PLB1: variants seen among roughly 807,000 people sequenced by gnomAD.
PLB1 encodes phospholipase B1, also known as phospholipase B1, membrane-associated.
In PLB1, 242 loss-of-function variants were observed where a neutral mutation model predicts 227.4. The observed-to-expected ratio is 1.06, with a 90% CI of 0.96 to 1.18. PLB1 has a LOEUF of 1.18. Among genes scored for constraint, PLB1 ranks in the 50% most tolerant of loss-of-function variants. The pLI is 0.00. For synonymous variants in PLB1, 757 were observed against 682.2 expected (o/e 1.11, Z -1.71); for missense variants, 1,858 against 1,816.3 (o/e 1.02, Z -0.42).
intron 43 of PLB1, among the ~76,000 whole-genome samples, chr2:28,608,898 C>G (rs1685056817): frequency 6.6e-6 from 1 of 151,264 alleles, no homozygotes; most frequent in African/African-American, 2.5e-5. Context: ...TTTCATGTCT[C>G]CATTCTATTT....
intron 21 of PLB1, among the ~76,000 whole-genome samples, chr2:28,576,044 A>G (rs960563846): frequency 3.3e-5 from 5 of 152,212 alleles, no homozygotes; most frequent in African/African-American, 7.2e-5. Flanking sequence ...ATGAAACCTT[A>G]GAGTCAAGAG....
At chr2:28,641,967 G>T (rs1251991551) in intron 57 of PLB1, among the ~76,000 whole-genome samples, 2 of 152,068 alleles carry the variant, frequency 1.3e-5, no homozygotes, top group Non-Finnish European at 2.9e-5. Flanking sequence ...CTGGCCGGTG[G>T]ATCCATCTCC....
intron 1 of PLB1, among the ~76,000 whole-genome samples, chr2:28,510,059 A>G (rs1668061030): frequency 6.6e-6 from 1 of 152,214 alleles, no homozygotes; most frequent in Admixed American, 6.5e-5. Context: ...AGGTAAAAAC[A>G]TGAACTCCTG....
In PLB1 at chr2:28,563,094, C is replaced by A. The variant is rs746082346; in HGVS notation, c.1201C>A (p.Leu401Ile). ...CGTAATTGGAGCCCTGGGTGACTCT[C>A]TCACGGTAAGTGACCCTGATGCAGA... ...INVIGALGDS[L>I]TAGNGAGSTP... Residue 401 changes from leucine to isoleucine, a missense_variant, in exon 18 of 58, where the codon CTC (leucine) becomes ATC (isoleucine). Leu to Ile is a conservative substitution (Grantham distance 5, BLOSUM62 2). Coordinates refer to ENST00000327757, the MANE Select transcript of PLB1 (RefSeq NM_153021.5). 1.2e-6 allele frequency: 2 copies of A among 1,612,932 alleles called. No individual in the cohort carries two copies. Among genetic ancestry groups the A allele is most frequent in the African/African-American group, 2.7e-5 (2 of 74,882 alleles).
chr2:28,520,590 G>T (rs1553403066), intron 4 of PLB1, among the ~76,000 whole-genome samples: 1 of 152,172 alleles, frequency 6.6e-6, no homozygotes, highest in Non-Finnish European at 1.5e-5. Flanking sequence ...CTCTACCCAT[G>T]AAATAACATC....
chr2:28,627,833 A>G (rs1388195724), intron 51 of PLB1, among the ~76,000 whole-genome samples: 2 of 152,106 alleles, frequency 1.3e-5, no homozygotes, highest in Non-Finnish European at 1.5e-5. Flanking sequence ...TCCTGTGGAC[A>G]TGCTTTCTTC....
chr2:28,509,571 G>A lies in PLB1; in HGVS notation c.56-7237G>A, dbSNP rs142045566. ...TCCAGACCCCAGTGGTCACAGCCCTGTCCAACTTGGATGACTGATCTCGGC... is the reference window on the plus strand; with the variant it reads ...TCCAGACCCCAGTGGTCACAGCCCTATCCAACTTGGATGACTGATCTCGGC... On this transcript the variant is annotated intron_variant, in intron 1 of 57. Coordinates refer to ENST00000327757, the MANE Select transcript of PLB1 (RefSeq NM_153021.5). 5.7e-4 allele frequency among the ~76,000 whole-genome samples: 87 copies of A among 152,320 alleles called. 2 individuals are homozygous for A. In the South Asian group the frequency reaches 8.5e-3, roughly 15 times the overall value.
chr2:28,531,604 C>G (rs1026417711), intron 8 of PLB1, among the ~76,000 whole-genome samples: 3 of 152,230 alleles, frequency 2.0e-5, no homozygotes, highest in Non-Finnish European at 4.4e-5. Flanking sequence ...AACCACTGCA[C>G]CCAGCCAGAG....
At chr2:28,545,680 G>A (rs982023642) in intron 14 of PLB1, among the ~76,000 whole-genome samples, 5 of 152,132 alleles carry the variant, frequency 3.3e-5, no homozygotes, top group South Asian at 4.1e-4. Flanking sequence ...CCTTGGTTTC[G>A]CTAATTGCAT....
Position 28,606,535 on chromosome 2 carries a change from A to G in PLB1, c.3097A>G (p.Arg1033Gly). Residue 1033 changes from arginine (R) to glycine (G), a missense_variant, in exon 43 of 58, where the codon AGA becomes GGA. Transcript: ENST00000327757. The part of the protein sequence containing the change: ...LGSKTETLDL[R>G]AEMPITCPTQ... ...AAGCAAAACAGAGACCCTGGACCTG[A>G]GAGCAGAGATGCCCATCACCTGTCC... 1 of 1,614,198 alleles carries G rather than the reference A, an allele frequency of 6.2e-7. No individual in the cohort carries two copies. Among genetic ancestry groups the G allele is most frequent in the Non-Finnish European group, 8.5e-7 (1 of 1,180,028 alleles).
intron 36 of PLB1, 112 bp from the exon 37 acceptor site, chr2:28,601,140 C>G: frequency 1.1e-6 from 1 of 908,496 alleles, no homozygotes; most frequent in Non-Finnish European, 1.8e-6. Context: ...GATGCTGATT[C>G]CATTATTTCA....
chr2:28,527,464 G>A (rs1399101849), intron 6 of PLB1, among the ~76,000 whole-genome samples: 1 of 152,252 alleles, frequency 6.6e-6, no homozygotes, highest in Non-Finnish European at 1.5e-5. Context: ...CCTGTGCTGT[G>A]CAGCATGGGA....
At chr2:28,598,294 C>T (rs563099078) in intron 34 of PLB1, among the ~76,000 whole-genome samples, 4 of 152,332 alleles carry the variant, frequency 2.6e-5, no homozygotes, top group African/African-American at 9.6e-5. Context: ...CTCCGATGTG[C>T]TTGTCAGGTG....
intron 8 of PLB1, among the ~76,000 whole-genome samples, chr2:28,530,770 G>A (rs1347981638): frequency 1.3e-5 from 2 of 152,252 alleles, no homozygotes; most frequent in Non-Finnish European, 2.9e-5. Context: ...AGCCATGCAT[G>A]CATTAAAGCG....
At chr2:28,583,335 C>G (rs989288928) in intron 25 of PLB1, among the ~76,000 whole-genome samples, 8 of 152,050 alleles carry the variant, frequency 5.3e-5, no homozygotes, top group African/African-American at 1.7e-4. Flanking sequence ...ACAGGCACAC[C>G]ACCATGCCCA....
intron 39 of PLB1, among the ~76,000 whole-genome samples, chr2:28,603,343 G>A (rs1438103652): frequency 1.3e-5 from 2 of 152,158 alleles, no homozygotes; most frequent in Non-Finnish European, 2.9e-5. Context: ...GCTTCAAACT[G>A]GGAGTGTTTT....
intron 1 of PLB1, among the ~76,000 whole-genome samples, chr2:28,496,944 A>G (rs866949755): frequency 6.6e-6 from 1 of 152,228 alleles, no homozygotes; most frequent in Non-Finnish European, 1.5e-5. Flanking sequence ...GGCATGGGAC[A>G]GAGTCCTGGG....
intron 26 of PLB1, among the ~76,000 whole-genome samples, chr2:28,586,454 G>A (rs770985702): frequency 2.0e-5 from 3 of 152,146 alleles, no homozygotes; most frequent in Non-Finnish European, 2.9e-5. Flanking sequence ...CTTAACAATC[G>A]AGTTTCTCCC....
intron 21 of PLB1, 83 bp from the exon 22 acceptor site, chr2:28,578,024 A>G (rs1573108198): frequency 1.5e-6 from 2 of 1,376,918 alleles, no homozygotes; most frequent in Non-Finnish European, 1.0e-6. Context: ...TTCCTCCACC[A>G]TACATTTGAT....
Sources: allele counts gnomAD v4.1 joint callset (sites outside exome capture counted in the v4.1 genomes callset), GRCh38; gene constraint gnomAD v4.1.1; transcripts MANE v1.5; gene names NCBI Gene and HGNC (gene_info 2026-07-23, HGNC 2026-07-21).